SPMIP11: variants seen among roughly 807,000 people sequenced by gnomAD.
The protein encoded by SPMIP11 is long intergenic non-protein coding RNA 935.
At chr12:48,769,762 T>C in the SPMIP11 span, among the ~76,000 whole-genome samples, 3 of 148,366 alleles carry the variant, frequency 2.0e-5, no homozygotes. Flanking sequence ...AATTTTTGTT[T>C]TTTTTTTTTT....
the SPMIP11 span, chr12:48,767,613 G>T: frequency 0.088 from 13,499 of 152,716 alleles, 821 homozygotes; most frequent in African/African-American, 0.18. Flanking sequence ...TGGGATCAGG[G>T]TCACCTTTCT....
At chr12:48,766,516 G>C in the SPMIP11 span, 1 of 152,804 alleles carries the variant, frequency 6.5e-6, no homozygotes, top group East Asian at 1.9e-4. Flanking sequence ...ATGGCACCAA[G>C]TAGTCTCTTC....
the SPMIP11 span, among the ~76,000 whole-genome samples, chr12:48,741,697 G>A: frequency 1.3e-5 from 2 of 149,418 alleles, no homozygotes; most frequent in African/African-American, 5.0e-5. Flanking sequence ...AGGCTTGAGT[G>A]CAGTGGCACA....
At chr12:48,760,747 G>A in the SPMIP11 span, among the ~76,000 whole-genome samples, 4 of 150,676 alleles carry the variant, frequency 2.7e-5, no homozygotes, top group African/African-American at 7.3e-5. Context: ...GGCTGGTCTC[G>A]AACTCCTGAT....
the SPMIP11 span, chr12:48,770,649 G>A: frequency 2.9e-6 from 3 of 1,027,430 alleles, no homozygotes; most frequent in Middle Eastern, 3.2e-4. Flanking sequence ...AGGTCAGAGG[G>A]AAGAAAACCC....
the SPMIP11 span, among the ~76,000 whole-genome samples, chr12:48,736,620 A>G: frequency 6.6e-6 from 1 of 151,818 alleles, no homozygotes; most frequent in African/African-American, 2.4e-5. Flanking sequence ...TTCATTCTCA[A>G]AGCCTGTTGC....
At chr12:48,728,190 A>G in the SPMIP11 span, among the ~76,000 whole-genome samples, 1 of 152,258 alleles carries the variant, frequency 6.6e-6, no homozygotes, top group Non-Finnish European at 1.5e-5. Context: ...GACCTCTGCT[A>G]TAAAGTGACT....
At chr12:48,762,356 CTTTTTTTTTTTTT>C in the SPMIP11 span, among the ~76,000 whole-genome samples, 3 of 61,222 alleles carry the variant, frequency 4.9e-5, no homozygotes, top group African/African-American at 2.0e-4. Context: ...CCCCGCCCAG[CTTTTTTTTTTTTT>C]TTTTTTTTTT....
the SPMIP11 span, among the ~76,000 whole-genome samples, chr12:48,754,544 G>A: frequency 0.28 from 41,948 of 151,470 alleles, 6,602 homozygotes; most frequent in East Asian, 0.73. Context: ...TCCACCTCCC[G>A]GGTTCACGCC....
the SPMIP11 span, among the ~76,000 whole-genome samples, chr12:48,741,785 G>A: frequency 4.0e-5 from 6 of 151,842 alleles, no homozygotes; most frequent in African/African-American, 1.5e-4. Context: ...GACTACAGAT[G>A]CACACCACCA....
the SPMIP11 span, among the ~76,000 whole-genome samples, chr12:48,760,488 T>C: frequency 1.3e-5 from 2 of 151,714 alleles, no homozygotes; most frequent in Admixed American, 6.6e-5. Context: ...CATTTACCCT[T>C]TATCAACCTA....
the SPMIP11 span, among the ~76,000 whole-genome samples, chr12:48,745,960 A>T: frequency 6.6e-6 from 1 of 152,360 alleles, no homozygotes; most frequent in South Asian, 2.1e-4. Context: ...AAAGCTTCTA[A>T]GTAAAGCACC....
At chr12:48,761,473 ATGG>A in the SPMIP11 span, among the ~76,000 whole-genome samples, 1 of 150,658 alleles carries the variant, frequency 6.6e-6, no homozygotes, top group East Asian at 2.0e-4. Flanking sequence ...ATCGCAGGGC[ATGG>A]TGGTGCTCGC....
chr12:48,729,712 A>AT, the SPMIP11 span, among the ~76,000 whole-genome samples: 1 of 151,222 alleles, frequency 6.6e-6, no homozygotes, highest in African/African-American at 2.4e-5. Context: ...CCGTCTAAAA[A>AT]AAAAAAAAAA....
the SPMIP11 span, among the ~76,000 whole-genome samples, chr12:48,758,008 T>C: frequency 6.6e-6 from 1 of 151,610 alleles, no homozygotes; most frequent in Non-Finnish European, 1.5e-5. Flanking sequence ...AAAGAAAAAC[T>C]ATATATATGT....
chr12:48,738,013 C>T, the SPMIP11 span, among the ~76,000 whole-genome samples: 86 of 151,736 alleles, frequency 5.7e-4, no homozygotes, highest in African/African-American at 1.7e-3. Flanking sequence ...TTAGTACAAA[C>T]GGAGTCTCCC....
the SPMIP11 span, among the ~76,000 whole-genome samples, chr12:48,733,452 C>T: frequency 6.6e-6 from 1 of 152,126 alleles, no homozygotes; most frequent in Non-Finnish European, 1.5e-5. Context: ...TCCAAGGTTT[C>T]CATTTTTCAT....
the SPMIP11 span, chr12:48,768,409 C>T: frequency 9.9e-6 from 8 of 805,630 alleles, no homozygotes; most frequent in South Asian, 1.3e-4. Flanking sequence ...CGGTAGGTAG[C>T]CCCTTGTTTT....
At chr12:48,728,540 C>A in the SPMIP11 span, among the ~76,000 whole-genome samples, 1 of 151,996 alleles carries the variant, frequency 6.6e-6, no homozygotes, top group East Asian at 1.9e-4. Flanking sequence ...AACCCCGTCT[C>A]TACTAAAAAT....
Sources: gnomAD v4.1 joint callset for allele counts (sites outside exome capture counted in the v4.1 genomes callset) on GRCh38, gnomAD v4.1.1 for gene constraint, MANE v1.5 for transcripts, NCBI Gene and HGNC (gene_info 2026-07-23, HGNC 2026-07-21) for gene names.